SLC11A1: variants seen among roughly 807,000 people sequenced by gnomAD.
SLC11A1 encodes solute carrier family 11 member 1.
In SLC11A1, 59 loss-of-function variants were observed where a neutral mutation model predicts 63.2. That is an observed-to-expected ratio of 0.93 (90% confidence interval 0.76 to 1.16). The LOEUF is 1.16. Ranked by LOEUF, SLC11A1 falls within the 50% of genes most tolerant of loss-of-function variation. SLC11A1 has a pLI of 0.00. For synonymous variants in SLC11A1, 305 were observed against 307.8 expected (o/e 0.99, Z 0.09); for missense variants, 688 against 730.7 (o/e 0.94, Z 0.67).
rs1696438787 is a variant in SLC11A1, at chr2:218,391,436, C to T, written c.1105C>T (p.Leu369=). The part of the protein sequence containing the change: ...AALYIWAIGL[L]AAGQSSTMTG... ...CCTCTACATCTGGGCCATAGGTCTC[C>T]TGGCGGCTGGGCAGAGCTCCACCAT... is the stretch of plus-strand genomic sequence containing the variant. The change falls in exon 11 of 15, where the codon CTG becomes TTG. Residue 369 remains leucine, a synonymous_variant. Coordinates refer to ENST00000233202, the MANE Select transcript of SLC11A1 (RefSeq NM_000578.4). The T allele has an allele frequency of 3.1e-6, 5 of 1,613,634 alleles. No homozygotes were observed. In the East Asian group the frequency reaches 1.1e-4, roughly 36 times the overall value.
intron 6 of SLC11A1, 148 bp downstream of exon 6, chr2:218,387,378 T>C (rs1352463607): frequency 1.0e-6 from 1 of 979,922 alleles, no homozygotes; most frequent in East Asian, 2.4e-5. Context: ...GACGTGCCTC[T>C]CTTCACCTGT....
rs1335459913 is a variant in SLC11A1 at position 218,396,881 on chromosome 2, T to G, written c.*1846T>G. 2.0e-5 allele frequency: 3 copies of G among 152,532 alleles called. No homozygotes were observed. The East Asian group carries it at 5.7e-4, about 29-fold the overall frequency. The allele number at this position is 152,532 out of a possible 1,614,324, so 9.4% of individuals were successfully genotyped here. ...GCGGCAAAGTCCCGAATTAAAGATG[T>G]CAGTTCTCAAGGACCCCACACTCCA... On this transcript the variant is annotated 3_prime_UTR_variant, in exon 15 of 15. Transcript: ENST00000233202.
At chr2:218,389,768 G>A (rs1696321477) in intron 8 of SLC11A1, 102 bp from the exon 9 acceptor site, 1 of 1,248,566 alleles carries the variant, frequency 8.0e-7, no homozygotes, top group Non-Finnish European at 1.1e-6. Flanking sequence ...GGGGACTTAA[G>A]AAGGTACTGG....
At chr2:218,386,280 C>T (rs1291103865) in intron 4 of SLC11A1, among the ~76,000 whole-genome samples, 3 of 152,166 alleles carry the variant, frequency 2.0e-5, no homozygotes, top group South Asian at 2.1e-4. Flanking sequence ...TGGAGAAACC[C>T]CGTCTCTACT....
At chr2:218,389,606 G>A (rs745720661) in intron 8 of SLC11A1, among the ~76,000 whole-genome samples, 14 of 152,176 alleles carry the variant, frequency 9.2e-5, no homozygotes, top group Non-Finnish European at 2.1e-4. Flanking sequence ...CAAGGTGAGT[G>A]AAGGAGCGTG....
Position 218,382,278 on chromosome 2 carries a change from T to TA in SLC11A1, c.-90dup. The stretch of plus-strand genomic sequence containing the variant: ...GTAACAGGGCGTGGGCTGGCACACT[T>TA]ACTTGCACCAGTGCCCAGAGAGGGG... On this transcript the variant is annotated 5_prime_UTR_variant, in exon 1 of 15. Transcript: ENST00000233202. The TA allele has an allele frequency of 1.4e-6, 2 of 1,473,340 alleles. No homozygotes were observed. Among genetic ancestry groups the TA allele is most frequent in the Non-Finnish European group, 1.9e-6 (2 of 1,067,198 alleles). The allele number at this position is 1,473,340 out of a possible 1,614,324, so 91.3% of individuals were successfully genotyped here.
chr2:218,389,952 C>T lies in SLC11A1; in HGVS notation c.878C>T (p.Ser293Phe), dbSNP rs143475636. The T allele has an allele frequency of 2.3e-4, 366 of 1,613,948 alleles. 1 individual carries two copies. The highest frequency in any genetic ancestry group is 3.0e-4 in the Non-Finnish European group (359 of 1,179,998). ...YFLIEATIAL[S>F]VSFIINLFVM... Reference sequence around the variant, plus strand: ...CTGATTGAGGCCACCATCGCCCTGTCCGTCTCCTTTATCATCAACCTCTTT... The same window carrying T: ...CTGATTGAGGCCACCATCGCCCTGTTCGTCTCCTTTATCATCAACCTCTTT... Residue 293 changes from serine (S) to phenylalanine (F), a missense_variant, in exon 9 of 15, where the codon TCC becomes TTC. Physicochemically the swap from Ser to Phe is radical, Grantham distance 155 (BLOSUM62 -2). Transcript: ENST00000233202.
rs377174618 is a variant in SLC11A1, at chr2:218,391,257, C to T, written c.1014C>T (p.Asn338=). The stretch of plus-strand genomic sequence containing the variant: ...ACGCCAAGATCTTCCCCATGAACAA[C>T]GCCACCGTGGCCGTGGACATTTACC... ...HDYAKIFPMN[N]ATVAVDIYQG... is the part of the protein sequence containing the mutation. Residue 338 remains asparagine (N), a synonymous_variant, in exon 10 of 15, where the codon AAC becomes AAT. Transcript: ENST00000233202. 1.2e-5 allele frequency: 19 copies of T among 1,613,722 alleles called. No homozygotes were observed. The highest frequency in any genetic ancestry group is 3.3e-4 in the Middle Eastern group (2 of 6,084).
rs761626087 is a variant in SLC11A1 at position 218,385,278 on chromosome 2, G to T, written c.393+12G>T. 4 of 1,613,848 alleles carry T rather than the reference G, an allele frequency of 2.5e-6. No homozygotes were observed. Among genetic ancestry groups the T allele is most frequent in the African/African-American group, 1.3e-5 (1 of 75,052 alleles). The stretch of plus-strand genomic sequence containing the variant: ...TCTACTACCCTAAGGTGAGCTTGGG[G>T]GGCCTGGACAGGGAGAACCACTGGC... On this transcript the variant is annotated intron_variant, in intron 4 of 14. Transcript: ENST00000233202.
Position 218,389,980 on chromosome 2 carries a change from C to A in SLC11A1, c.906C>A (p.Val302=). Residue 302 remains valine, a synonymous_variant, in exon 9 of 15, where the codon GTC becomes GTA. Coordinates refer to ENST00000233202, the MANE Select transcript of SLC11A1 (RefSeq NM_000578.4). ...TCTCCTTTATCATCAACCTCTTTGTCATGGCTGTCTTTGGGCAGGCCTTCT... is the reference window on the plus strand; with the variant it reads ...TCTCCTTTATCATCAACCTCTTTGTAATGGCTGTCTTTGGGCAGGCCTTCT... ...LSVSFIINLF[V]MAVFGQAFYQ... is the part of the protein sequence containing the mutation. 2 of 1,613,998 alleles carry A rather than the reference C, an allele frequency of 1.2e-6. No homozygotes were observed. Among genetic ancestry groups the A allele is most frequent in the Non-Finnish European group, 8.5e-7 (1 of 1,179,946 alleles).
At chr2:218,394,550 TG>T in intron 13 of SLC11A1, 81 bp from the exon 14 acceptor site, 1 of 1,466,712 alleles carries the variant, frequency 6.8e-7, no homozygotes. Context: ...ACCCCCAGTG[TG>T]GGCGCTGGGA....
rs1296369288 is a variant in SLC11A1, at chr2:218,393,032, T to A, written c.1216T>A (p.Ser406Thr). ...SRFARVLLTRSCAILPTVLVA... is the reference protein window; with the variant it reads ...SRFARVLLTRTCAILPTVLVA... ...CTTCGCCCGTGTCCTCCTCACCCGC[T>A]CCTGCGCCATCCTGCCCACCGTGCT... The change falls in exon 12 of 15, where the codon TCC (serine) becomes ACC (threonine). Residue 406 changes from serine (S) to threonine (T), a missense_variant. Transcript: ENST00000233202. The A allele has an allele frequency of 6.2e-7, 1 of 1,600,210 alleles. No individual in the cohort carries two copies. Among genetic ancestry groups the A allele is most frequent in the African/African-American group, 1.3e-5 (1 of 74,616 alleles).
intron 11 of SLC11A1, chr2:218,392,078 C>T: frequency 2.6e-6 from 1 of 388,312 alleles, no homozygotes; most frequent in Admixed American, 2.8e-5. Context: ...TCTTTCTTTC[C>T]TTTTTTTTGA....
In SLC11A1 at chr2:218,395,741, A is replaced by G. The variant is rs1696721458; in HGVS notation, c.*706A>G. 6.6e-6 allele frequency: 1 copy of G among 152,348 alleles called. No homozygotes were observed. The highest frequency in any genetic ancestry group is 1.5e-5 in the Non-Finnish European group (1 of 68,074). 9.4% of individuals were successfully genotyped at this position (152,348 alleles called of 1,614,324 possible). A position where few individuals can be genotyped will look rare whatever the true frequency, so the allele number is the denominator to read the frequency against. ...GTGCTGGGAATTACAGGCGTGAGCC[A>G]CCAAACCCGGCCTGATTAAAGTTAA... On this transcript the variant is annotated 3_prime_UTR_variant, in exon 15 of 15. Transcript: ENST00000233202.
Position 218,387,551 on chromosome 2 carries a change from G to A in SLC11A1, c.572-14G>A, listed in dbSNP as rs777036428. 1 of 1,613,872 alleles carries A rather than the reference G, an allele frequency of 6.2e-7. No homozygotes were observed. The highest frequency in any genetic ancestry group is 1.1e-5 in the South Asian group (1 of 91,032). ...TTTCGTTGGTTTGTTTAGTTTGTTTGTTCTGCTCCGTAGGGCTGCGGAAGC... is the reference window on the plus strand; with the variant it reads ...TTTCGTTGGTTTGTTTAGTTTGTTTATTCTGCTCCGTAGGGCTGCGGAAGC... On this transcript the variant is annotated splice_polypyrimidine_tract_variant and intron_variant, in intron 6 of 14. Transcript: ENST00000233202.
At position 218,394,620 on chromosome 2, in the gene SLC11A1, C is replaced by T. The variant is rs1696650225; in HGVS notation, c.1389-12C>T. On this transcript the variant is annotated splice_polypyrimidine_tract_variant and intron_variant, in intron 13 of 14. Transcript: ENST00000233202. ...CAACCAGCCAGTCCTGAGCCTCTCT[C>T]GTGTCCCCCAGGCTGAACAAGGTCG... The T allele has an allele frequency of 4.3e-6, 7 of 1,612,680 alleles. No homozygotes were observed. Among genetic ancestry groups the T allele is most frequent in the East Asian group, 2.2e-5 (1 of 44,890 alleles).
In SLC11A1 at chr2:218,386,825, G is replaced by A. The variant is rs1696133719; in HGVS notation, c.500+84G>A. 5.9e-6 allele frequency: 6 copies of A among 1,011,600 alleles called. No individual in the cohort carries two copies. In the South Asian group the frequency reaches 8.1e-5, roughly 14 times the overall value. 62.7% of individuals were successfully genotyped at this position (1,011,600 alleles called of 1,614,324 possible). ...CCCCCCCTAACCAGTCCCTCCCAGAGTCTATTTTATCCTGCTGTCCCCTCT... is the reference window on the plus strand; with the variant it reads ...CCCCCCCTAACCAGTCCCTCCCAGAATCTATTTTATCCTGCTGTCCCCTCT... On this transcript the variant is annotated intron_variant, in intron 5 of 14. Coordinates refer to ENST00000233202, the MANE Select transcript of SLC11A1 (RefSeq NM_000578.4).
intron 2 of SLC11A1, chr2:218,383,491 T>A (rs1171179426): frequency 6.2e-6 from 1 of 162,194 alleles, no homozygotes; most frequent in Admixed American, 6.2e-5. Context: ...TATCTTCTCT[T>A]TTTTTGGAGA....
At chr2:218,391,125 G>GT in intron 9 of SLC11A1, 73 bp from the exon 10 acceptor site, 1 of 1,366,288 alleles carries the variant, frequency 7.3e-7, no homozygotes, top group South Asian at 1.2e-5. Context: ...ACCCTGGTCA[G>GT]TGCTAGGCAG....
Sources: allele counts gnomAD v4.1 joint callset (sites outside exome capture counted in the v4.1 genomes callset), GRCh38; gene constraint gnomAD v4.1.1; transcripts MANE v1.5; gene names NCBI Gene and HGNC (gene_info 2026-07-23, HGNC 2026-07-21).